GPC6: variants seen among roughly 807,000 people sequenced by gnomAD.
The protein encoded by GPC6 is glypican-6.
GPC6 carries 14 observed loss-of-function variants against 55.2 expected under a neutral mutation model. The observed-to-expected ratio is 0.25, with a 90% CI of 0.17 to 0.40. The LOEUF (loss-of-function observed/expected upper bound fraction) is 0.40. Ranked by LOEUF, GPC6 falls within the 10% of genes least tolerant of loss-of-function variation. The pLI is 1.00. For missense variants in GPC6, 641 were observed against 708.5 expected, an observed-to-expected ratio of 0.90 and a Z score of 1.08; for synonymous variants, 278 against 259.6, an observed-to-expected ratio of 1.07 and a Z score of -0.68.
chr13:93,468,407 C>G (rs1032140005), intron 1 of GPC6, among the ~76,000 whole-genome samples: 1 of 151,316 alleles, frequency 6.6e-6, no homozygotes. Flanking sequence ...GTTCCAAATT[C>G]ATTGTGTAAA....
At chr13:94,341,163 T>C (rs1474427852) in intron 6 of GPC6, among the ~76,000 whole-genome samples, 1 of 152,228 alleles carries the variant, frequency 6.6e-6, no homozygotes, top group Non-Finnish European at 1.5e-5. Flanking sequence ...ACTAACAGGT[T>C]CTGTAATTAA....
intron 1 of GPC6, among the ~76,000 whole-genome samples, chr13:93,297,321 A>G (rs1020082402): frequency 3.9e-5 from 6 of 152,188 alleles, no homozygotes; most frequent in African/African-American, 1.4e-4. Flanking sequence ...GGAGGGCATC[A>G]GGATAAATAG....
In GPC6 at chr13:93,920,766, T is replaced by G. The variant is rs145537460; in HGVS notation, c.711+90221T>G. 6.5e-3 allele frequency among the ~76,000 whole-genome samples: 995 copies of G among 152,294 alleles called. 37 individuals carry two copies. The highest frequency in any genetic ancestry group is 0.055 in the Admixed American group (842 of 15,300). On this transcript the variant is annotated intron_variant, in intron 3 of 8. Transcript: ENST00000377047. ...TCCCCCATGTCAATTTTCTCTGCTTTCCACTGCATTCTGTCCAGGGCTACC... is the reference window on the plus strand; with the variant it reads ...TCCCCCATGTCAATTTTCTCTGCTTGCCACTGCATTCTGTCCAGGGCTACC...
chr13:93,643,105 C>G (rs1394826651), intron 2 of GPC6, among the ~76,000 whole-genome samples: 1 of 152,004 alleles, frequency 6.6e-6, no homozygotes, highest in Non-Finnish European at 1.5e-5. Context: ...ATTTTTAAGC[C>G]ATTATTTTAC....
At chr13:93,561,724 G>A (rs1321970515) in intron 2 of GPC6, among the ~76,000 whole-genome samples, 1 of 152,064 alleles carries the variant, frequency 6.6e-6, no homozygotes, top group South Asian at 2.1e-4. Context: ...ATAGTCATAT[G>A]TGTTTCAATT....
At chr13:94,175,808 A>G (rs1434491652) in intron 4 of GPC6, among the ~76,000 whole-genome samples, 1 of 148,672 alleles carries the variant, frequency 6.7e-6, no homozygotes, top group African/African-American at 2.4e-5. Context: ...TTAAAGTTAT[A>G]TATATCTTTT....
Position 94,266,378 on chromosome 13 carries a change from C to T in GPC6, c.878-19971C>T, listed in dbSNP as rs538426785. ...AGAGACGGGGTTTCACTGTGTTAGC[C>T]AGGATGGTCTCGATCTCCTGACCTC... On this transcript the variant is annotated intron_variant, in intron 4 of 8. Transcript: ENST00000377047. Among the ~76,000 whole-genome samples, 21 of 152,230 alleles carry T rather than the reference C, an allele frequency of 1.4e-4. No individual in the cohort carries two copies. In the South Asian group the frequency reaches 1.5e-3, roughly 11 times the overall value.
intron 1 of GPC6, among the ~76,000 whole-genome samples, chr13:93,445,940 C>T (rs369690362): frequency 6.6e-6 from 1 of 152,104 alleles, no homozygotes; most frequent in East Asian, 1.9e-4. Context: ...AGAGGAAATA[C>T]ACCTTCATAG....
intron 1 of GPC6, among the ~76,000 whole-genome samples, chr13:93,522,432 A>T (rs1446503365): frequency 3.3e-5 from 5 of 151,938 alleles, no homozygotes; most frequent in Admixed American, 3.3e-4. Context: ...GTAACTTCTT[A>T]CTTATTTTCC....
intron 1 of GPC6, among the ~76,000 whole-genome samples, chr13:93,438,369 A>T (rs1877652495): frequency 6.6e-6 from 1 of 152,188 alleles, no homozygotes. Flanking sequence ...AGTCAATTGA[A>T]AACCTTTTGG....
chr13:94,074,730 G>T (rs1884848868), intron 4 of GPC6, among the ~76,000 whole-genome samples: 2 of 152,112 alleles, frequency 1.3e-5, no homozygotes, highest in African/African-American at 4.8e-5. Flanking sequence ...TTGGAATTTG[G>T]TCACCAAAAT....
chr13:93,892,057 A>G (rs1875721661), intron 3 of GPC6, among the ~76,000 whole-genome samples: 1 of 152,080 alleles, frequency 6.6e-6, no homozygotes, highest in African/African-American at 2.4e-5. Flanking sequence ...CACTATACAT[A>G]CACACTATAT....
At chr13:93,774,739 C>T (rs1308596221) in intron 2 of GPC6, among the ~76,000 whole-genome samples, 2 of 152,122 alleles carry the variant, frequency 1.3e-5, no homozygotes, top group Non-Finnish European at 2.9e-5. Flanking sequence ...CTGTTCTGGG[C>T]TCTGGAAATT....
intron 4 of GPC6, among the ~76,000 whole-genome samples, chr13:94,032,216 G>A (rs1883167572): frequency 6.6e-6 from 1 of 152,130 alleles, no homozygotes; most frequent in Admixed American, 6.6e-5. Flanking sequence ...ACTATATTGG[G>A]TAAGCTAGGC....
intron 1 of GPC6, among the ~76,000 whole-genome samples, chr13:93,467,961 C>G (rs1332400526): frequency 6.6e-6 from 1 of 152,024 alleles, no homozygotes; most frequent in East Asian, 1.9e-4. Flanking sequence ...GTCTTGTGAG[C>G]TTGAATGTTT....
At chr13:93,676,186 CACACAT>C (rs1340492469) in intron 2 of GPC6, among the ~76,000 whole-genome samples, 167 of 80,796 alleles carry the variant, frequency 2.1e-3, no homozygotes, top group African/African-American at 6.0e-3. Context: ...CACACACACA[CACACAT>C]ATATATGTAT....
In GPC6 at chr13:93,354,516, A is replaced by ATTTTTTTTTTTTTTTT. The variant is rs1348081980; in HGVS notation, c.160+126902_160+126903insTTTTTTTTTTTTTTTT. ...CAGGTGCCCGCTACCACACTCGGCT[A>ATTTTTTTTTTTTTTTT]TTATTTTTTTTTTTTTTTTTTGGAT... On this transcript the variant is annotated intron_variant, in intron 1 of 8. Coordinates refer to ENST00000377047, the MANE Select transcript of GPC6 (RefSeq NM_005708.5). Among the ~76,000 whole-genome samples, 2 of 98,008 alleles carry ATTTTTTTTTTTTTTTT rather than the reference A, an allele frequency of 2.0e-5. 1 individual carries two copies. 64.3% of individuals were successfully genotyped at this position (98,008 alleles called of 152,430 possible). A position where few individuals can be genotyped will look rare whatever the true frequency, so the allele number is the denominator to read the frequency against.
At chr13:93,807,297 C>G (rs1375549139) in intron 2 of GPC6, among the ~76,000 whole-genome samples, 1 of 152,112 alleles carries the variant, frequency 6.6e-6, no homozygotes, top group African/African-American at 2.4e-5. Context: ...ATAAAAATGA[C>G]TGGGATTATA....
At chr13:94,326,000 C>G (rs1877096397) in intron 6 of GPC6, among the ~76,000 whole-genome samples, 2 of 152,150 alleles carry the variant, frequency 1.3e-5, no homozygotes, top group Admixed American at 1.3e-4. Context: ...ACATTACTAC[C>G]AGGGACAAGC....
Sources: allele counts gnomAD v4.1 joint callset (sites outside exome capture counted in the v4.1 genomes callset), GRCh38; gene constraint gnomAD v4.1.1; transcripts MANE v1.5; gene names NCBI Gene and HGNC (gene_info 2026-07-23, HGNC 2026-07-21).